Variants in NPAS3 observed in about 807,000 individuals in gnomAD.
NPAS3 encodes the protein neuronal PAS domain protein 3, also known as neuronal PAS domain-containing protein 3.
In NPAS3, 14 loss-of-function variants were observed where a neutral mutation model predicts 73.1. The ratio of observed to expected loss-of-function variants is 0.19; its 90% CI spans 0.13 to 0.30. The LOEUF (loss-of-function observed/expected upper bound fraction) is 0.30, where lower values mean the gene tolerates loss of function less well. NPAS3 is among the 10% of genes least tolerant of loss of function. NPAS3 has a pLI of 1.00. For missense variants in NPAS3, 1,096 were observed against 1,250.0 expected (o/e 0.88, Z 1.86); for synonymous variants, 620 against 541.5 (o/e 1.14, Z -2.01).
At chr14:33,592,436 G>A (rs952910064) in intron 5 of NPAS3, among the ~76,000 whole-genome samples, 11 of 152,210 alleles carry the variant, frequency 7.2e-5, no homozygotes, top group African/African-American at 2.7e-4. Flanking sequence ...AGAGCCATAT[G>A]TGATTGAGTG....
intron 4 of NPAS3, among the ~76,000 whole-genome samples, chr14:33,431,381 C>T (rs2048776969): frequency 6.6e-6 from 1 of 152,050 alleles, no homozygotes. Context: ...ATAAGAATTA[C>T]TTAAACATAA....
At chr14:33,772,628 T>A (rs528537877) in intron 7 of NPAS3, among the ~76,000 whole-genome samples, 14 of 152,230 alleles carry the variant, frequency 9.2e-5, no homozygotes, top group Non-Finnish European at 1.9e-4. Context: ...TAATGATAAA[T>A]GAGCATCTAT....
intron 6 of NPAS3, among the ~76,000 whole-genome samples, chr14:33,704,291 ATTAC>A (rs1449323070): frequency 1.3e-5 from 2 of 152,344 alleles, no homozygotes; most frequent in East Asian, 1.9e-4. Flanking sequence ...ATCTCTGCAG[ATTAC>A]TTTTTTAAGT....
At chr14:33,421,447 T>C (rs1374750010) in intron 4 of NPAS3, among the ~76,000 whole-genome samples, 1 of 151,862 alleles carries the variant, frequency 6.6e-6, no homozygotes, top group African/African-American at 2.4e-5. Flanking sequence ...AATTGTTCTG[T>C]ATATCTGGAT....
At position 33,684,386 on chromosome 14, in the gene NPAS3, A is replaced by T. The variant is rs998754186; in HGVS notation, c.733+8001A>T. Among the ~76,000 whole-genome samples the T allele has an allele frequency of 9.9e-5, 15 of 151,962 alleles. No individual in the cohort carries two copies. The South Asian group carries it at 2.3e-3, about 23-fold the overall frequency. ...GAGTGCAGTGGCACAATCTCGGCTCACTACAACCTCCATCTCTCGGGCTCA... is the reference window on the plus strand; with the variant it reads ...GAGTGCAGTGGCACAATCTCGGCTCTCTACAACCTCCATCTCTCGGGCTCA... On this transcript the variant is annotated intron_variant, in intron 6 of 11. Transcript: ENST00000356141.
chr14:33,344,285 T>C (rs1267928660), intron 3 of NPAS3, among the ~76,000 whole-genome samples: 1 of 152,226 alleles, frequency 6.6e-6, no homozygotes, highest in African/African-American at 2.4e-5. Flanking sequence ...GTTTCATGTG[T>C]AAAGATTATC....
At chr14:33,298,939 G>GC (rs2042415037) in intron 3 of NPAS3, among the ~76,000 whole-genome samples, 1 of 152,086 alleles carries the variant, frequency 6.6e-6, no homozygotes, top group Non-Finnish European at 1.5e-5. Context: ...GGACTGGGGG[G>GC]CCTGTATTCA....
chr14:33,255,347 ACTCT>A (rs2048738855), intron 3 of NPAS3, among the ~76,000 whole-genome samples: 1 of 152,198 alleles, frequency 6.6e-6, no homozygotes, highest in Admixed American at 6.5e-5. Context: ...AAAACTATTC[ACTCT>A]CATTTAATTT....
At chr14:33,386,461 G>A (rs2046779888) in intron 4 of NPAS3, among the ~76,000 whole-genome samples, 1 of 151,854 alleles carries the variant, frequency 6.6e-6, no homozygotes, top group East Asian at 1.9e-4. Context: ...ATGACCAATG[G>A]GCAGATGTAT....
intron 4 of NPAS3, among the ~76,000 whole-genome samples, chr14:33,545,717 T>C (rs938260222): frequency 1.3e-5 from 2 of 152,212 alleles, no homozygotes; most frequent in Non-Finnish European, 2.9e-5. Context: ...ATCTTCTCTA[T>C]CATTGTCTCA....
At chr14:33,587,877 A>G (rs17101579) in intron 5 of NPAS3, among the ~76,000 whole-genome samples, 5,222 of 152,298 alleles carry the variant, frequency 0.034, 332 homozygotes, top group African/African-American at 0.12. Context: ...GTTAAGGAGC[A>G]CTACAGAACC....
chr14:33,693,474 G>A (rs777683331), intron 6 of NPAS3, among the ~76,000 whole-genome samples: 3 of 152,100 alleles, frequency 2.0e-5, no homozygotes, highest in Non-Finnish European at 2.9e-5. Context: ...ACATGATCCC[G>A]TCAATGTGGT....
At chr14:33,157,469 G>A (rs1456905917) in intron 2 of NPAS3, among the ~76,000 whole-genome samples, 2 of 152,144 alleles carry the variant, frequency 1.3e-5, no homozygotes, top group African/African-American at 4.8e-5. Context: ...ATGTTCACAG[G>A]CAGGGCCAGC....
chr14:33,666,713 T>G (rs2059460091), intron 5 of NPAS3, among the ~76,000 whole-genome samples: 1 of 152,226 alleles, frequency 6.6e-6, no homozygotes, highest in South Asian at 2.1e-4. Flanking sequence ...GTAAGCTACA[T>G]GGGGGCATGT....
intron 1 of NPAS3, among the ~76,000 whole-genome samples, chr14:32,957,114 T>G (rs1477623107): frequency 3.9e-5 from 6 of 152,196 alleles, no homozygotes. Flanking sequence ...GTTCAGTGTC[T>G]GCGTGGGAAG....
At chr14:33,669,592 A>AATT (rs1469353638) in intron 5 of NPAS3, among the ~76,000 whole-genome samples, 1 of 152,212 alleles carries the variant, frequency 6.6e-6, no homozygotes, top group Admixed American at 6.5e-5. Context: ...TGCAGCGTAT[A>AATT]ATTTACCCTT....
chr14:33,462,223 T>A (rs192900966), intron 4 of NPAS3, among the ~76,000 whole-genome samples: 2 of 152,262 alleles, frequency 1.3e-5, no homozygotes, highest in Non-Finnish European at 2.9e-5. Flanking sequence ...ATTAGGCAAG[T>A]CGAACAACCT....
intron 6 of NPAS3, among the ~76,000 whole-genome samples, chr14:33,717,466 A>G (rs1229826167): frequency 6.6e-6 from 1 of 152,138 alleles, no homozygotes; most frequent in East Asian, 1.9e-4. Flanking sequence ...TGCAAGCAAC[A>G]ACCCCGTAAA....
chr14:33,360,401 G>T (rs796984392), intron 3 of NPAS3, among the ~76,000 whole-genome samples: 12 of 152,238 alleles, frequency 7.9e-5, no homozygotes, highest in African/African-American at 2.9e-4. Flanking sequence ...TATCTCTGCT[G>T]GGAATTTAAA....
Sources: allele counts gnomAD v4.1 joint callset (sites outside exome capture counted in the v4.1 genomes callset), GRCh38; gene constraint gnomAD v4.1.1; transcripts MANE v1.5; gene names NCBI Gene and HGNC (gene_info 2026-07-23, HGNC 2026-07-21).